Variants in SLCO1B1 observed in about 807,000 individuals in gnomAD.
SLCO1B1 encodes the protein OATP-2.
SLCO1B1 carries 81 observed loss-of-function variants against 70.1 expected under a neutral mutation model. The observed-to-expected ratio is 1.16, with a 90% CI of 0.97 to 1.39. The LOEUF (loss-of-function observed/expected upper bound fraction) is 1.39, where lower values mean the gene tolerates loss of function less well. Ranked by LOEUF, SLCO1B1 falls within the 40% of genes most tolerant of loss-of-function variation. The pLI, the probability that SLCO1B1 is intolerant of heterozygous loss-of-function variation, is 0.00. For synonymous variants in SLCO1B1, 283 were observed against 271.5 expected, an observed-to-expected ratio of 1.04 and a Z score of -0.42; for missense variants, 895 against 799.6, an observed-to-expected ratio of 1.12 and a Z score of -1.44.
chr12:21,193,790 G>C (rs1941058314), intron 7 of SLCO1B1, among the ~76,000 whole-genome samples: 1 of 151,894 alleles, frequency 6.6e-6, no homozygotes, highest in African/African-American at 2.4e-5. Flanking sequence ...CTAAGTCATT[G>C]CTCTTTTTTT....
chr12:21,150,600 G>A lies in SLCO1B1; in HGVS notation c.84+8942G>A, dbSNP rs533610564. On this transcript the variant is annotated intron_variant, in intron 2 of 14. Transcript: ENST00000256958. ...AAACTCCAGCAGACCTGCAGCTGAGGGGCCTGACTGTTAGAAGAAAAACCT... is the reference window on the plus strand; with the variant it reads ...AAACTCCAGCAGACCTGCAGCTGAGAGGCCTGACTGTTAGAAGAAAAACCT... Among the ~76,000 whole-genome samples, 150 of 152,228 alleles carry A rather than the reference G, an allele frequency of 9.9e-4. No individual in the cohort carries two copies. The Middle Eastern group carries it at 0.014, about 14-fold the overall frequency.
chr12:21,219,412 G>A (rs183095843), intron 12 of SLCO1B1, among the ~76,000 whole-genome samples: 14 of 152,190 alleles, frequency 9.2e-5, no homozygotes, highest in Non-Finnish European at 1.8e-4. Flanking sequence ...GTCCAAAAAC[G>A]TGTGTAAGGA....
intron 2 of SLCO1B1, among the ~76,000 whole-genome samples, chr12:21,168,417 A>T (rs1242801139): frequency 6.6e-6 from 1 of 152,214 alleles, no homozygotes; most frequent in African/African-American, 2.4e-5. Context: ...CTATATACCC[A>T]GAAGAATAAT....
intron 12 of SLCO1B1, among the ~76,000 whole-genome samples, chr12:21,219,159 GAGTA>G (rs1941393870): frequency 2.0e-5 from 3 of 152,272 alleles, no homozygotes; most frequent in Middle Eastern, 3.4e-3. Context: ...ATCTAAAATA[GAGTA>G]AGTGTGAAGC....
intron 1 of SLCO1B1, among the ~76,000 whole-genome samples, chr12:21,134,716 TTC>T (rs1940192668): frequency 6.6e-6 from 1 of 152,240 alleles, no homozygotes. Context: ...TATTTGATTC[TTC>T]TCTGTTTTCT....
intron 12 of SLCO1B1, among the ~76,000 whole-genome samples, chr12:21,221,895 A>G (rs1013998211): frequency 7.2e-5 from 11 of 152,072 alleles, no homozygotes; most frequent in African/African-American, 2.7e-4. Flanking sequence ...CCAGCAATCC[A>G]ACTATTGGAT....
intron 11 of SLCO1B1, among the ~76,000 whole-genome samples, chr12:21,213,415 G>C (rs1234282210): frequency 2.0e-5 from 3 of 151,278 alleles, no homozygotes; most frequent in African/African-American, 7.3e-5. Flanking sequence ...TGGCTTATAG[G>C]GTTTCTGCCG....
rs756167965 is a variant in SLCO1B1 at position 21,172,740 on chromosome 12, T to C, written c.175T>C (p.Phe59Leu). 2.3e-5 allele frequency: 37 copies of C among 1,613,628 alleles called. No individual in the cohort carries two copies. The highest frequency in any genetic ancestry group is 2.7e-5 in the Non-Finnish European group (32 of 1,179,726). ...TTCCATCATTCATATAGAACGGAGA[T>C]TTGAGATATCCTCTTCTCTTGTTGG... ...KSSIIHIERR[F>L]EISSSLVGFI... The change falls in exon 3 of 15, where the codon TTT (phenylalanine) becomes CTT (leucine). Residue 59 changes from phenylalanine to leucine, a missense_variant. Physicochemically the swap from Phe to Leu is conservative, Grantham distance 22. Transcript: ENST00000256958.
chr12:21,170,642 T>C (rs2121094641), intron 2 of SLCO1B1, among the ~76,000 whole-genome samples: 1 of 152,356 alleles, frequency 6.6e-6, no homozygotes, highest in Admixed American at 6.5e-5. Context: ...TGTTTTATTA[T>C]TCCCATCATC....
intron 2 of SLCO1B1, among the ~76,000 whole-genome samples, chr12:21,159,911 A>C (rs1940591821): frequency 6.6e-6 from 1 of 151,994 alleles, no homozygotes. Flanking sequence ...AAATATAGCT[A>C]ACTAGGGAGG....
At position 21,155,683 on chromosome 12, in the gene SLCO1B1, G is replaced by A. The variant is rs143797530; in HGVS notation, c.84+14025G>A. On this transcript the variant is annotated intron_variant, in intron 2 of 14. Transcript: ENST00000256958. ...GAACCCTGAAAGCTCAGAAAAAGGG[G>A]AGGGAAATGAGCCTCAAGGTGATGA... is the stretch of plus-strand genomic sequence containing the variant. Among the ~76,000 whole-genome samples the A allele has an allele frequency of 4.2e-3, 636 of 152,264 alleles. 5 individuals carry two copies. Among genetic ancestry groups the A allele is most frequent in the African/African-American group, 0.015 (613 of 41,546 alleles).
At chr12:21,167,764 T>A (rs755777782) in intron 2 of SLCO1B1, among the ~76,000 whole-genome samples, 5 of 151,994 alleles carry the variant, frequency 3.3e-5, no homozygotes, top group Non-Finnish European at 7.4e-5. Context: ...CTTTCCACTT[T>A]CTGTTTCTAA....
intron 9 of SLCO1B1, 102 bp from the exon 10 acceptor site, chr12:21,202,389 C>G (rs1941168409): frequency 6.5e-6 from 5 of 772,870 alleles, no homozygotes; most frequent in Admixed American, 5.7e-5. Context: ...TAAAAAGAAG[C>G]AATAATATTG....
chr12:21,159,565 T>A (rs967724607), intron 2 of SLCO1B1, among the ~76,000 whole-genome samples: 1 of 152,154 alleles, frequency 6.6e-6, no homozygotes, highest in Non-Finnish European at 1.5e-5. Context: ...AGTGAAACAT[T>A]TACATAGTTT....
At chr12:21,203,323 G>T (rs1339180252) in intron 10 of SLCO1B1, among the ~76,000 whole-genome samples, 1 of 151,866 alleles carries the variant, frequency 6.6e-6, no homozygotes, top group Non-Finnish European at 1.5e-5. Flanking sequence ...ACTTTTCCAT[G>T]ATTACCATGT....
intron 7 of SLCO1B1, among the ~76,000 whole-genome samples, chr12:21,190,233 G>T (rs182330605): frequency 6.6e-6 from 1 of 152,204 alleles, no homozygotes; most frequent in Admixed American, 6.5e-5. Flanking sequence ...ATCCGTACAC[G>T]TGACTGTTCC....
chr12:21,209,202 T>TC (rs571897466), intron 11 of SLCO1B1, among the ~76,000 whole-genome samples: 2,855 of 151,308 alleles, frequency 0.019, 87 homozygotes, highest in African/African-American at 0.066. Context: ...ATGCTATCCC[T>TC]CCCCCCTCCT....
Position 21,238,922 on chromosome 12 carries a change from TAA to T in SLCO1B1, c.1866-56_1866-55del, listed in dbSNP as rs1941620066. The T allele has an allele frequency of 4.7e-6, 5 of 1,063,154 alleles. No individual in the cohort carries two copies. The East Asian group carries it at 1.2e-4, about 26-fold the overall frequency. 65.9% of individuals were successfully genotyped at this position (1,063,154 alleles called of 1,614,324 possible). A position where few individuals can be genotyped will look rare whatever the true frequency, so the allele number is the denominator to read the frequency against. Reference sequence around the variant, plus strand: ...GATCTGGATACTGGAGAAAATGTTTTAAGTTATTACACACAATTTAAACTGAT... The same window carrying T: ...GATCTGGATACTGGAGAAAATGTTTTGTTATTACACACAATTTAAACTGAT... On this transcript the variant is annotated intron_variant, in intron 14 of 14. Transcript: ENST00000256958.
chr12:21,175,448 G>T (rs186059961), intron 4 of SLCO1B1, among the ~76,000 whole-genome samples: 36 of 149,534 alleles, frequency 2.4e-4, no homozygotes, highest in African/African-American at 7.0e-4. Context: ...GAAAAAAATA[G>T]ACATTATTCC....
Sources: gnomAD v4.1 joint callset for allele counts (sites outside exome capture counted in the v4.1 genomes callset) on GRCh38, gnomAD v4.1.1 for gene constraint, MANE v1.5 for transcripts, NCBI Gene and HGNC (gene_info 2026-07-23, HGNC 2026-07-21) for gene names.